Variants in PLS3 observed in about 807,000 individuals in gnomAD.
PLS3 encodes plastin-3.
A neutral mutation model predicts 46.5 loss-of-function variants in PLS3; 11 were observed. The observed-to-expected ratio is 0.24, with a 90% CI of 0.15 to 0.39. The LOEUF is 0.39. Among genes scored for constraint, PLS3 ranks in the 10% least tolerant of loss-of-function variants. The probability of loss-of-function intolerance (pLI) is 1.00; values close to 1 mark genes in which losing one functional copy is unlikely to be tolerated. For missense variants in PLS3, 308 were observed against 461.8 expected, an observed-to-expected ratio of 0.67 and a Z score of 3.05; for synonymous variants, 167 against 162.2, an observed-to-expected ratio of 1.03 and a Z score of -0.22.
intron 1 of PLS3, among the ~76,000 whole-genome samples, chrX:115,606,120 T>C (rs1316823455): frequency 1.9e-5 from 2 of 104,398 alleles, no homozygotes; most frequent in Non-Finnish European, 3.9e-5. Flanking sequence ...TCCAGAACCA[T>C]CTTATCTAAT....
chrX:115,584,041 G>T (rs1569526528), intron 1 of PLS3, among the ~76,000 whole-genome samples: 1 of 111,831 alleles, frequency 8.9e-6, no homozygotes. Context: ...GCTATTAGAA[G>T]ATGTAACCAC....
intron 2 of PLS3, among the ~76,000 whole-genome samples, chrX:115,620,828 G>A (rs188987839): frequency 5.1e-5 from 5 of 98,695 alleles, no homozygotes; most frequent in Non-Finnish European, 1.0e-4. Context: ...CGAGTAGGTG[G>A]GACTATAGGC....
chrX:115,647,718 A>C, intron 14 of PLS3, 45 bp downstream of exon 14: 1 of 1,163,770 alleles, frequency 8.6e-7, no homozygotes. Context: ...TTGCTGGATA[A>C]CATCTATCAT....
intron 1 of PLS3, among the ~76,000 whole-genome samples, chrX:115,603,130 T>C (rs782249055): frequency 1.8e-5 from 2 of 111,180 alleles, no homozygotes; most frequent in East Asian, 5.7e-4. Flanking sequence ...GTGTTTAGGG[T>C]TTATGTATAG....
chrX:115,622,193 C>T, intron 2 of PLS3, 53 bp from the exon 3 acceptor site: 1 of 1,005,282 alleles, frequency 9.9e-7, no homozygotes, highest in South Asian at 2.1e-5. Flanking sequence ...AATACTCTAA[C>T]TTCTGTCTTT....
intron 1 of PLS3, among the ~76,000 whole-genome samples, chrX:115,578,691 CA>C (rs373605509): frequency 0.14 from 3,579 of 26,038 alleles, 13 homozygotes; most frequent in African/African-American, 0.15. Flanking sequence ...CGCCACTGCA[CA>C]AAAAAAAAAA....
At chrX:115,582,751 G>C (rs929533881) in intron 1 of PLS3, among the ~76,000 whole-genome samples, 2 of 112,501 alleles carry the variant, frequency 1.8e-5, no homozygotes, top group African/African-American at 6.5e-5. Context: ...AAAAAATTAA[G>C]CTAATAGGCC....
At chrX:115,577,601 C>A (rs1242730034) in intron 1 of PLS3, among the ~76,000 whole-genome samples, 1 of 110,667 alleles carries the variant, frequency 9.0e-6, no homozygotes, top group African/African-American at 3.3e-5. Context: ...CCTCAGCTCC[C>A]CAAGTAGCTG....
chrX:115,609,698 A>G (rs990265556), intron 1 of PLS3, among the ~76,000 whole-genome samples: 5 of 112,605 alleles, frequency 4.4e-5, no homozygotes, highest in African/African-American at 1.6e-4. Context: ...ATTTACATGC[A>G]TAAGAATGTG....
In PLS3 at chrX:115,646,191, A is replaced by G. The variant is rs2074949482; in HGVS notation, c.1377+5A>G. On this transcript the variant is annotated splice_donor_5th_base_variant and intron_variant, in intron 12 of 15. Coordinates refer to ENST00000355899, the MANE Select transcript of PLS3 (RefSeq NM_005032.7). ...CTGGGAGCCAACATGAAAAAGGTAG[A>G]TAATTAAGTTGCTGTATATATTTGT... 4 of 1,009,954 alleles carry G rather than the reference A, an allele frequency of 4.0e-6. No homozygotes were observed. Among genetic ancestry groups the G allele is most frequent in the Non-Finnish European group, 5.6e-6 (4 of 719,264 alleles). 83.2% of individuals were successfully genotyped at this position (1,009,954 alleles called of 1,213,427 possible).
intron 10 of PLS3, among the ~76,000 whole-genome samples, 178 bp downstream of exon 10, chrX:115,643,686 C>T (rs782270567): frequency 8.9e-6 from 1 of 111,884 alleles, no homozygotes; most frequent in Non-Finnish European, 1.9e-5. Context: ...GTAAAGTAGT[C>T]GAGGCCGGGC....
chrX:115,622,509 T>C, intron 3 of PLS3, 100 bp downstream of exon 3: 1 of 491,457 alleles, frequency 2.0e-6, no homozygotes, highest in Non-Finnish European at 3.4e-6. Context: ...TTCTTAAATA[T>C]ATCATATTAG....
intron 3 of PLS3, among the ~76,000 whole-genome samples, chrX:115,628,659 T>C (rs1220683239): frequency 2.7e-5 from 3 of 111,963 alleles, no homozygotes; most frequent in Non-Finnish European, 3.8e-5. Context: ...AAAAGCCTCT[T>C]TTTGGTGTTT....
At chrX:115,594,744 T>C (rs1255810991) in intron 1 of PLS3, among the ~76,000 whole-genome samples, 1 of 110,050 alleles carries the variant, frequency 9.1e-6, no homozygotes, top group Non-Finnish European at 1.9e-5. Flanking sequence ...AAACATATGT[T>C]AATTTTCATA....
At chrX:115,592,643 G>C (rs1556633286) in intron 1 of PLS3, among the ~76,000 whole-genome samples, 2 of 111,742 alleles carry the variant, frequency 1.8e-5, no homozygotes, top group East Asian at 5.6e-4. Context: ...TGCTAGACCA[G>C]TTAAAGGCAA....
At chrX:115,640,631 A>G in intron 9 of PLS3, 128 bp downstream of exon 9, 1 of 410,282 alleles carries the variant, frequency 2.4e-6, no homozygotes, top group South Asian at 5.7e-5. Context: ...AAAATGTATT[A>G]CTGTACATGT....
intron 1 of PLS3, among the ~76,000 whole-genome samples, chrX:115,566,744 A>T (rs2074176849): frequency 9.3e-6 from 1 of 107,023 alleles, no homozygotes; most frequent in African/African-American, 3.5e-5. Context: ...CAATGGCGTG[A>T]TCTCAGCCCA....
intron 8 of PLS3, chrX:115,640,104 G>A (rs1556640797): frequency 7.1e-6 from 8 of 1,126,415 alleles, no homozygotes; most frequent in Non-Finnish European, 9.4e-6. Flanking sequence ...TGTTTTGTCT[G>A]TCAAGCTTAT....
chrX:115,610,291 T>C lies in PLS3; in HGVS notation c.41T>C (p.Leu14Pro). The change falls in exon 2 of 16, where the codon CTT becomes CCT. Residue 14 changes from leucine (L) to proline (P), a missense_variant. Physicochemically the swap from Leu to Pro is moderately conservative, Grantham distance 98. Coordinates refer to ENST00000355899, the MANE Select transcript of PLS3 (RefSeq NM_005032.7). ...MATTQISKDE[L>P]DELKEAFAKV... is the part of the protein sequence containing the mutation. ...ACCACTCAGATTTCCAAAGATGAGC[T>C]TGATGAACTCAAAGAGGCCTTTGCA... The C allele has an allele frequency of 8.5e-7, 1 of 1,173,160 alleles. No individual in the cohort carries two copies. Among genetic ancestry groups the C allele is most frequent in the Non-Finnish European group, 1.2e-6 (1 of 868,263 alleles).
Sources: gnomAD v4.1 joint callset for allele counts (sites outside exome capture counted in the v4.1 genomes callset) on GRCh38, gnomAD v4.1.1 for gene constraint, MANE v1.5 for transcripts, NCBI Gene and HGNC (gene_info 2026-07-23, HGNC 2026-07-21) for gene names.